Variants in CHCHD6 observed in about 807,000 individuals in gnomAD.
The protein encoded by CHCHD6 is coiled-coil-helix-coiled-coil-helix domain containing 6.
Under a neutral mutation model 32.3 loss-of-function variants are expected in CHCHD6, and 28 were observed. The observed-to-expected ratio is 0.87, with a 90% CI of 0.64 to 1.19. The LOEUF is 1.19. CHCHD6 is among the 50% of genes most tolerant of loss of function. CHCHD6 has a pLI of 0.00. For missense variants in CHCHD6, 333 were observed against 307.0 expected, an observed-to-expected ratio of 1.08 and a Z score of -0.63; for synonymous variants, 122 against 117.5, an observed-to-expected ratio of 1.04 and a Z score of -0.25.
chr3:126,788,186 T>C (rs574815516), intron 4 of CHCHD6, among the ~76,000 whole-genome samples: 5 of 152,322 alleles, frequency 3.3e-5, no homozygotes, highest in East Asian at 1.9e-4. Flanking sequence ...CACTTGATCA[T>C]GGTGGATAAG....
At chr3:126,794,307 AC>A (rs1250994268) in intron 4 of CHCHD6, among the ~76,000 whole-genome samples, 1 of 144,824 alleles carries the variant, frequency 6.9e-6, no homozygotes, top group African/African-American at 2.5e-5. Context: ...TTATATATAT[AC>A]ATATATGTTT....
chr3:126,866,516 T>C lies in CHCHD6; in HGVS notation c.495+13786T>C, dbSNP rs145867578. ...AACAGGCTTGGAAATCTATACCAGT[T>C]GTCACATGAATGATTTGGGACAGTA... On this transcript the variant is annotated intron_variant, in intron 5 of 7. Coordinates refer to ENST00000290913, the MANE Select transcript of CHCHD6 (RefSeq NM_032343.3). Among the ~76,000 whole-genome samples, 304 of 152,356 alleles carry C rather than the reference T, an allele frequency of 2.0e-3. 1 individual carries two copies. Among genetic ancestry groups the C allele is most frequent in the African/African-American group, 6.8e-3 (284 of 41,594 alleles).
At chr3:126,835,436 C>T (rs1940817706) in intron 4 of CHCHD6, among the ~76,000 whole-genome samples, 1 of 152,162 alleles carries the variant, frequency 6.6e-6, no homozygotes, top group African/African-American at 2.4e-5. Context: ...CTTTCTGACT[C>T]ATGGGCTTAC....
At chr3:126,817,587 C>T (rs539042449) in intron 4 of CHCHD6, among the ~76,000 whole-genome samples, 2 of 152,320 alleles carry the variant, frequency 1.3e-5, no homozygotes, top group South Asian at 2.1e-4. Context: ...TCCAGCAGGG[C>T]ACAGTCCATG....
chr3:126,832,549 C>T (rs1383122954), intron 4 of CHCHD6, among the ~76,000 whole-genome samples: 1 of 152,166 alleles, frequency 6.6e-6, no homozygotes. Flanking sequence ...CTGCTTAAAC[C>T]TCTCAGATTC....
At chr3:126,814,125 C>T (rs949112274) in intron 4 of CHCHD6, among the ~76,000 whole-genome samples, 17 of 152,086 alleles carry the variant, frequency 1.1e-4, no homozygotes, top group Admixed American at 6.6e-5. Context: ...GGTGGGTTAT[C>T]GATATCAGAG....
chr3:126,886,378 TC>T (rs1481965886), intron 5 of CHCHD6, among the ~76,000 whole-genome samples: 1 of 152,154 alleles, frequency 6.6e-6, no homozygotes, highest in Non-Finnish European at 1.5e-5. Flanking sequence ...TCTCCCCCTC[TC>T]CCCCTTCCAG....
At chr3:126,840,293 A>G (rs927556436) in intron 4 of CHCHD6, among the ~76,000 whole-genome samples, 1 of 152,106 alleles carries the variant, frequency 6.6e-6, no homozygotes, top group East Asian at 1.9e-4. Flanking sequence ...GGTGACGAAA[A>G]TGTTCTAAAA....
intron 4 of CHCHD6, among the ~76,000 whole-genome samples, chr3:126,799,528 C>T (rs1938963264): frequency 6.6e-6 from 1 of 152,138 alleles, no homozygotes; most frequent in South Asian, 2.1e-4. Context: ...AAGAGATGGC[C>T]ATCCAGGTGG....
chr3:126,767,434 C>T, intron 4 of CHCHD6: 1 of 707,762 alleles, frequency 1.4e-6, no homozygotes, highest in Non-Finnish European at 2.6e-6. Context: ...CACCATGTCC[C>T]AGCTGCCCTT....
At chr3:126,788,620 T>A (rs1189281474) in intron 4 of CHCHD6, among the ~76,000 whole-genome samples, 1 of 152,144 alleles carries the variant, frequency 6.6e-6, no homozygotes, top group African/African-American at 2.4e-5. Flanking sequence ...TGTAGAAGTG[T>A]TTATAGTATT....
At chr3:126,750,381 C>G (rs867512536) in intron 4 of CHCHD6, among the ~76,000 whole-genome samples, 1 of 152,360 alleles carries the variant, frequency 6.6e-6, no homozygotes, top group Middle Eastern at 3.4e-3. Flanking sequence ...AGATGCCACC[C>G]ATGGCAAAGC....
intron 1 of CHCHD6, among the ~76,000 whole-genome samples, chr3:126,722,238 C>T: frequency 6.6e-6 from 1 of 152,226 alleles, no homozygotes; most frequent in South Asian, 2.1e-4. Context: ...TCGCTGTAAC[C>T]ATGACTTCCT....
chr3:126,807,105 G>C (rs1413612338), intron 4 of CHCHD6, among the ~76,000 whole-genome samples: 1 of 149,624 alleles, frequency 6.7e-6, no homozygotes, highest in Non-Finnish European at 1.5e-5. Flanking sequence ...GCTAAATGAG[G>C]AGTTAATGGG....
chr3:126,956,890 CA>C (rs2078792838), intron 6 of CHCHD6: 1 of 154,806 alleles, frequency 6.5e-6, no homozygotes, highest in Non-Finnish European at 1.4e-5. Flanking sequence ...TTCCTTATTG[CA>C]CGCATATTAG....
chr3:126,842,263 C>T (rs1941121841), intron 4 of CHCHD6, among the ~76,000 whole-genome samples: 1 of 152,114 alleles, frequency 6.6e-6, no homozygotes, highest in Non-Finnish European at 1.5e-5. Flanking sequence ...ACTGTTTAAC[C>T]CTGGGCCCAT....
chr3:126,928,397 C>T (rs887320751), intron 6 of CHCHD6, among the ~76,000 whole-genome samples: 1 of 152,202 alleles, frequency 6.6e-6, no homozygotes, highest in African/African-American at 2.4e-5. Context: ...CCACCCACCA[C>T]CATCACAGAG....
chr3:126,947,928 C>A (rs1478495172), intron 6 of CHCHD6, among the ~76,000 whole-genome samples: 1 of 152,174 alleles, frequency 6.6e-6, no homozygotes, highest in Non-Finnish European at 1.5e-5. Context: ...TAACGCCTTA[C>A]AGGGGAGGAC....
chr3:126,813,804 T>A (rs2107532757), intron 4 of CHCHD6, among the ~76,000 whole-genome samples: 1 of 152,280 alleles, frequency 6.6e-6, no homozygotes, highest in African/African-American at 2.4e-5. Context: ...TGGAGCTGGT[T>A]TATGTTGGGA....
Sources: allele counts gnomAD v4.1 joint callset (sites outside exome capture counted in the v4.1 genomes callset), GRCh38; gene constraint gnomAD v4.1.1; transcripts MANE v1.5; gene names NCBI Gene and HGNC (gene_info 2026-07-23, HGNC 2026-07-21).